ATP8A2: variants seen among roughly 807,000 people sequenced by gnomAD.
ATP8A2 encodes phospholipid-transporting ATPase IB.
In ATP8A2, 100 loss-of-function variants were observed where a neutral mutation model predicts 165.6. The ratio of observed to expected loss-of-function variants is 0.60; its 90% CI spans 0.51 to 0.71. The LOEUF (loss-of-function observed/expected upper bound fraction) is 0.71. Ranked by LOEUF, ATP8A2 falls within the 30% of genes least tolerant of loss-of-function variation. The pLI is 0.00. For synonymous variants in ATP8A2, 543 were observed against 548.8 expected, an observed-to-expected ratio of 0.99 and a Z score of 0.15; for missense variants, 1,227 against 1,479.5, an observed-to-expected ratio of 0.83 and a Z score of 2.80.
rs1399621578 is a variant in ATP8A2, at chr13:25,428,953, C to A, written c.77-40024C>A. ...GACCCCAGAACAGGTCTGGGAAATG[C>A]CCCCCAGCTAGGCAGCTGGTGACAC... On this transcript the variant is annotated intron_variant, in intron 1 of 36. Coordinates refer to ENST00000381655, the MANE Select transcript of ATP8A2 (RefSeq NM_016529.6). Among the ~76,000 whole-genome samples, 18 of 152,120 alleles carry A rather than the reference C, an allele frequency of 1.2e-4. 1 individual carries two copies. Among genetic ancestry groups the A allele is most frequent in the Admixed American group, 1.1e-3 (17 of 15,276 alleles).
At chr13:25,667,446 G>C (rs1209633066) in intron 24 of ATP8A2, among the ~76,000 whole-genome samples, 6 of 152,152 alleles carry the variant, frequency 3.9e-5, no homozygotes. Context: ...GAAAGGATTA[G>C]TTCTCACGGG....
chr13:25,421,180 T>A (rs1047274119), intron 1 of ATP8A2, among the ~76,000 whole-genome samples: 6 of 152,248 alleles, frequency 3.9e-5, no homozygotes, highest in Non-Finnish European at 7.3e-5. Flanking sequence ...ATTCCCATAG[T>A]GGTCCTAGCA....
chr13:25,486,278 T>A (rs776691400), intron 2 of ATP8A2, among the ~76,000 whole-genome samples: 6 of 152,216 alleles, frequency 3.9e-5, no homozygotes, highest in Non-Finnish European at 7.3e-5. Flanking sequence ...TGCCATAGAG[T>A]TAAATACGTT....
intron 35 of ATP8A2, among the ~76,000 whole-genome samples, chr13:25,984,733 G>A (rs958266257): frequency 2.0e-5 from 3 of 152,274 alleles, no homozygotes; most frequent in South Asian, 2.1e-4. Context: ...TGTAAGCCAC[G>A]AAGAGTCATC....
At chr13:25,833,858 T>G (rs1951539835) in intron 28 of ATP8A2, among the ~76,000 whole-genome samples, 1 of 152,194 alleles carries the variant, frequency 6.6e-6, no homozygotes, top group Non-Finnish European at 1.5e-5. Flanking sequence ...AGAACCCATT[T>G]AAAAAACCAA....
At chr13:25,541,208 T>C (rs2038465394) in intron 8 of ATP8A2, among the ~76,000 whole-genome samples, 1 of 152,188 alleles carries the variant, frequency 6.6e-6, no homozygotes, top group South Asian at 2.1e-4. Flanking sequence ...TTTAAGCACT[T>C]TGAAGCTTAA....
At chr13:25,865,276 T>G (rs2138779695) in intron 33 of ATP8A2, among the ~76,000 whole-genome samples, 1 of 152,320 alleles carries the variant, frequency 6.6e-6, no homozygotes, top group East Asian at 1.9e-4. Context: ...CTTTTTAAAA[T>G]GACTGTTTGA....
intron 1 of ATP8A2, 149 bp from the exon 2 acceptor site, chr13:25,468,827 CA>C (rs1267943612): frequency 7.7e-7 from 1 of 1,300,054 alleles, no homozygotes; most frequent in Non-Finnish European, 9.8e-7. Context: ...GCGGCGTCTC[CA>C]GGGGGAGCCA....
chr13:25,708,404 T>C (rs1320483602), intron 25 of ATP8A2, among the ~76,000 whole-genome samples: 1 of 152,242 alleles, frequency 6.6e-6, no homozygotes, highest in East Asian at 1.9e-4. Flanking sequence ...ATTTCACTTC[T>C]GACAACACTG....
At chr13:25,711,984 C>A (rs1308370018) in intron 25 of ATP8A2, among the ~76,000 whole-genome samples, 8 of 152,126 alleles carry the variant, frequency 5.3e-5, no homozygotes, top group Admixed American at 3.9e-4. Context: ...TTCTGCCAAG[C>A]CCATATTCTC....
intron 7 of ATP8A2, among the ~76,000 whole-genome samples, chr13:25,540,098 A>G (rs1467506223): frequency 6.6e-6 from 1 of 152,212 alleles, no homozygotes; most frequent in East Asian, 1.9e-4. Flanking sequence ...TGGGGCTTAC[A>G]AAGGCAGATC....
rs539511761 is a variant in ATP8A2 at position 25,417,973 on chromosome 13, A to G, written c.76+45685A>G. Among the ~76,000 whole-genome samples the G allele has an allele frequency of 7.2e-5, 11 of 152,344 alleles. 1 individual carries two copies. The South Asian group carries it at 2.3e-3, about 32-fold the overall frequency. On this transcript the variant is annotated intron_variant, in intron 1 of 36. Transcript: ENST00000381655. Reference sequence around the variant, plus strand: ...CTGGTGCTCTGTGTACCATGATCCCAGGACTCCTTGCTAATGCTGTAAGCT... The same window carrying G: ...CTGGTGCTCTGTGTACCATGATCCCGGGACTCCTTGCTAATGCTGTAAGCT...
chr13:26,015,547 C>T (rs887715335), intron 36 of ATP8A2, among the ~76,000 whole-genome samples: 5 of 151,878 alleles, frequency 3.3e-5, no homozygotes, highest in Admixed American at 6.6e-5. Context: ...TATCAGAGCA[C>T]AGATTCAAAG....
chr13:25,733,360 C>T (rs1210258137), intron 25 of ATP8A2, among the ~76,000 whole-genome samples: 2 of 152,306 alleles, frequency 1.3e-5, no homozygotes, highest in Non-Finnish European at 2.9e-5. Context: ...GTATCACTCT[C>T]CTAAGGGGAC....
intron 35 of ATP8A2, among the ~76,000 whole-genome samples, chr13:25,995,616 ATTTAT>A (rs1956483649): frequency 6.6e-6 from 1 of 150,742 alleles, no homozygotes; most frequent in Non-Finnish European, 1.5e-5. Context: ...TATCTTTTTT[ATTTAT>A]TTCTAGTTTG....
At chr13:25,406,074 G>T (rs1341151069) in intron 1 of ATP8A2, among the ~76,000 whole-genome samples, 1 of 152,104 alleles carries the variant, frequency 6.6e-6, no homozygotes, top group African/African-American at 2.4e-5. Flanking sequence ...GCCTGATAGG[G>T]GCAATATGAC....
At chr13:25,706,155 G>A (rs2043051213) in intron 25 of ATP8A2, among the ~76,000 whole-genome samples, 1 of 152,160 alleles carries the variant, frequency 6.6e-6, no homozygotes. Context: ...ATTCTCCTCT[G>A]TTTAGTAAGC....
At chr13:25,767,937 T>C (rs372015198) in intron 25 of ATP8A2, among the ~76,000 whole-genome samples, 1 of 152,104 alleles carries the variant, frequency 6.6e-6, no homozygotes, top group East Asian at 1.9e-4. Flanking sequence ...ATCTAGGAGC[T>C]GTTGAAGTTC....
chr13:25,537,887 T>C (rs972170470), intron 6 of ATP8A2, 101 bp from the exon 7 acceptor site: 1 of 709,640 alleles, frequency 1.4e-6, no homozygotes, highest in African/African-American at 1.8e-5. Context: ...ATGGCTTAGT[T>C]ATATAATAAT....
Sources: allele counts gnomAD v4.1 joint callset (sites outside exome capture counted in the v4.1 genomes callset), GRCh38; gene constraint gnomAD v4.1.1; transcripts MANE v1.5; gene names NCBI Gene and HGNC (gene_info 2026-07-23, HGNC 2026-07-21).